Variants in FAM149B1 observed in about 807,000 individuals in gnomAD.
FAM149B1 encodes the protein primary cilium assembly protein FAM149B1.
In FAM149B1, 56 loss-of-function variants were observed where a neutral mutation model predicts 75.3. That is an observed-to-expected ratio of 0.74 (90% CI 0.60 to 0.93). FAM149B1 has a LOEUF of 0.93. Among genes scored for constraint, FAM149B1 ranks in the 40% least tolerant of loss-of-function variants. FAM149B1 has a pLI of 0.00. For missense variants in FAM149B1, 639 were observed against 708.4 expected (o/e 0.90, Z 1.11); for synonymous variants, 259 against 256.1 (o/e 1.01, Z -0.11).
At chr10:73,231,585 A>C (rs150804117) in intron 9 of FAM149B1, among the ~76,000 whole-genome samples, 1 of 152,320 alleles carries the variant, frequency 6.6e-6, no homozygotes, top group African/African-American at 2.4e-5. Context: ...TGAGCTACTA[A>C]GGGTCTGCAC....
At chr10:73,209,273 A>G (rs931571342) in intron 6 of FAM149B1, among the ~76,000 whole-genome samples, 3 of 152,148 alleles carry the variant, frequency 2.0e-5, no homozygotes, top group South Asian at 4.1e-4. Flanking sequence ...ACATGGTGAA[A>G]CCCCATCTCT....
chr10:73,198,623 G>A (rs945796077), intron 5 of FAM149B1, among the ~76,000 whole-genome samples: 3 of 152,108 alleles, frequency 2.0e-5, no homozygotes, highest in Non-Finnish European at 1.5e-5. Context: ...TGGCTAACAT[G>A]GTGAAACCCC....
chr10:73,197,748 G>T (rs892007985), intron 5 of FAM149B1, among the ~76,000 whole-genome samples: 6 of 151,618 alleles, frequency 4.0e-5, no homozygotes, highest in Non-Finnish European at 8.8e-5. Flanking sequence ...CCAGCCTGGT[G>T]ACAGAGCGAG....
At position 73,230,433 on chromosome 10, in the gene FAM149B1, TCAAG is replaced by T; in HGVS notation, c.1042_1045del (p.Ser348AspfsTer6). ...CTTTCAACACGTAGATGAGTCTCTG[TCAAG>T]CAAGCAGACATCAGCCAAATGTGAA... On this transcript the variant is annotated frameshift_variant, in exon 9 of 14. Transcript: ENST00000242505. LOFTEE classifies it high-confidence loss of function. The T allele has an allele frequency of 1.3e-6, 2 of 1,542,000 alleles. No individual in the cohort carries two copies. The highest frequency in any genetic ancestry group is 1.8e-6 in the Non-Finnish European group (2 of 1,137,874).
Position 73,233,109 on chromosome 10 carries a change from A to G in FAM149B1, c.1298A>G (p.His433Arg). 7 of 1,551,794 alleles carry G rather than the reference A, an allele frequency of 4.5e-6. No individual in the cohort carries two copies. Among genetic ancestry groups the G allele is most frequent in the Non-Finnish European group, 6.1e-6 (7 of 1,147,016 alleles). ...PRTLHPISTS[H>R]SCAETPRSVE... ...ACTCTTCATCCGATCAGCACGAGCCATTCATGTGCTGAAACACCAAGATCT... is the reference window on the plus strand; with the variant it reads ...ACTCTTCATCCGATCAGCACGAGCCGTTCATGTGCTGAAACACCAAGATCT... The change falls in exon 10 of 14, where the codon CAT becomes CGT. Residue 433 changes from histidine to arginine, a missense_variant. Coordinates refer to ENST00000242505, the MANE Select transcript of FAM149B1 (RefSeq NM_173348.2).
intron 3 of FAM149B1, among the ~76,000 whole-genome samples, chr10:73,188,233 AT>A (rs1428379165): frequency 1.3e-5 from 2 of 152,094 alleles, no homozygotes; most frequent in Admixed American, 6.5e-5. Flanking sequence ...TAGAAAAAGG[AT>A]TTTTTTTCCT....
At chr10:73,206,783 C>A (rs987674105) in intron 5 of FAM149B1, among the ~76,000 whole-genome samples, 1 of 152,140 alleles carries the variant, frequency 6.6e-6, no homozygotes, top group Non-Finnish European at 1.5e-5. Context: ...GGTGTGGTGG[C>A]GGACGCCTAT....
At chr10:73,226,368 G>A (rs1050044471) in intron 7 of FAM149B1, among the ~76,000 whole-genome samples, 1 of 152,136 alleles carries the variant, frequency 6.6e-6, no homozygotes, top group African/African-American at 2.4e-5. Context: ...AAGCGGGTGT[G>A]GTGGCGGGCA....
intron 5 of FAM149B1, chr10:73,200,680 G>T: frequency 5.8e-6 from 3 of 513,140 alleles, no homozygotes; most frequent in South Asian, 5.4e-5. Flanking sequence ...TGTTGGAAGT[G>T]ACCAAAAAAT....
intron 1 of FAM149B1, among the ~76,000 whole-genome samples, chr10:73,169,370 T>C (rs1843605939): frequency 6.6e-6 from 1 of 151,590 alleles, no homozygotes; most frequent in African/African-American, 2.4e-5. Flanking sequence ...AGCTGCCCCC[T>C]ACCCTGACCG....
intron 7 of FAM149B1, among the ~76,000 whole-genome samples, chr10:73,217,824 C>T (rs1346490628): frequency 6.6e-6 from 1 of 152,142 alleles, no homozygotes; most frequent in African/African-American, 2.4e-5. Context: ...ATGCATGGGC[C>T]ACCTTAGAGT....
intron 3 of FAM149B1, among the ~76,000 whole-genome samples, chr10:73,185,668 GA>G (rs2042504260): frequency 6.6e-6 from 1 of 152,028 alleles, no homozygotes; most frequent in African/African-American, 2.4e-5. Flanking sequence ...ATCAGACTCA[GA>G]AAATCAAAGA....
Position 73,243,760 on chromosome 10 carries a change from AAAAC to A in FAM149B1, c.*2745_*2748del. 1 of 1,354,998 alleles carries A rather than the reference AAAAC, an allele frequency of 7.4e-7. No individual in the cohort carries two copies. Among genetic ancestry groups the A allele is most frequent in the Non-Finnish European group, 1.0e-6 (1 of 966,816 alleles). The allele number at this position is 1,354,998 out of a possible 1,614,324, so 83.9% of individuals were successfully genotyped here. On this transcript the variant is annotated 3_prime_UTR_variant, in exon 14 of 14. Transcript: ENST00000242505. ...GTATGCGGTTATGTCTTAAAAGAAGAAAACAAAATACAACATTCCAAAGAAAATA... is the reference window on the plus strand; with the variant it reads ...GTATGCGGTTATGTCTTAAAAGAAGAAAAATACAACATTCCAAAGAAAATA...
rs768946734 is a variant in FAM149B1, at chr10:73,235,261, AG to A, written c.1546del (p.Glu516LysfsTer84). 6.4e-7 allele frequency: 1 copy of A among 1,552,108 alleles called. No homozygotes were observed. The highest frequency in any genetic ancestry group is 1.2e-5 in the South Asian group (1 of 84,062). ...ATGAACCTAACTATCAGCAGCCACA[AG>A]AAAGGCTCCTTTTGCCCGACTTTTT... is the stretch of plus-strand genomic sequence containing the variant. ...VDEPNYQQPQ[E>X]RLLLPDFFPR... On this transcript the variant is annotated frameshift_variant, in exon 12 of 14. Coordinates refer to ENST00000242505, the MANE Select transcript of FAM149B1 (RefSeq NM_173348.2). LOFTEE classifies it high-confidence loss of function.
In FAM149B1 at chr10:73,168,308, T is replaced by TGAGGAG. The variant is rs762316170; in HGVS notation, c.-5_1dup. The stretch of plus-strand genomic sequence containing the variant: ...CTGGCGTGCCTGCCCCGGCCGCGGC[T>TGAGGAG]GAGGAGGAGGAGGAGGAGGAGGAGG... On this transcript the variant is annotated 5_prime_UTR_variant, in exon 1 of 14. Coordinates refer to ENST00000242505, the MANE Select transcript of FAM149B1 (RefSeq NM_173348.2). The TGAGGAG allele has an allele frequency of 1.2e-3, 1,793 of 1,532,810 alleles. 1 individual carries two copies. Among genetic ancestry groups the TGAGGAG allele is most frequent in the African/African-American group, 5.6e-3 (400 of 71,764 alleles). The allele number at this position is 1,532,810 out of a possible 1,614,324, so 95.0% of individuals were successfully genotyped here.
chr10:73,174,926 T>C (rs1220494683), intron 2 of FAM149B1, 135 bp downstream of exon 2: 14 of 597,170 alleles, frequency 2.3e-5, no homozygotes, highest in Non-Finnish European at 3.6e-5. Context: ...CTCAGTACCA[T>C]TTAGTTTTCA....
At chr10:73,196,385 A>G (rs1378369163) in intron 5 of FAM149B1, among the ~76,000 whole-genome samples, 1 of 151,896 alleles carries the variant, frequency 6.6e-6, no homozygotes, top group Admixed American at 6.6e-5. Flanking sequence ...GCAGTGGCAC[A>G]ATCAGAGCTC....
chr10:73,203,206 A>C (rs1401428636), intron 5 of FAM149B1, among the ~76,000 whole-genome samples: 1 of 152,202 alleles, frequency 6.6e-6, no homozygotes, highest in Non-Finnish European at 1.5e-5. Flanking sequence ...CAGAAGGGCT[A>C]AATGGTATCC....
At chr10:73,184,925 AAAC>A (rs1282732187) in intron 3 of FAM149B1, among the ~76,000 whole-genome samples, 1 of 152,198 alleles carries the variant, frequency 6.6e-6, no homozygotes, top group Non-Finnish European at 1.5e-5. Context: ...TAAAACAGAA[AAAC>A]AATAGAGAAA....
Sources: gnomAD v4.1 joint callset for allele counts (sites outside exome capture counted in the v4.1 genomes callset) on GRCh38, gnomAD v4.1.1 for gene constraint, MANE v1.5 for transcripts, NCBI Gene and HGNC (gene_info 2026-07-23, HGNC 2026-07-21) for gene names.